The following CNBD2 variants were observed in gnomAD, a reference collection of about 807,000 sequenced individuals.
The protein encoded by CNBD2 is cyclic nucleotide binding domain containing 2.
A neutral mutation model predicts 63.7 loss-of-function variants in CNBD2; 64 were observed. The ratio of observed to expected loss-of-function variants is 1.00; its 90% CI spans 0.82 to 1.24. The LOEUF is 1.24. Ranked by LOEUF, CNBD2 falls within the 50% of genes most tolerant of loss-of-function variation. CNBD2 has a pLI of 0.00. For synonymous variants in CNBD2, 229 were observed against 255.4 expected, an observed-to-expected ratio of 0.90 and a Z score of 0.99; for missense variants, 691 against 713.5, an observed-to-expected ratio of 0.97 and a Z score of 0.36.
At chr20:36,012,779 G>A (rs1405123537) in intron 10 of CNBD2, among the ~76,000 whole-genome samples, 2 of 137,910 alleles carry the variant, frequency 1.5e-5, no homozygotes, top group Admixed American at 7.9e-5. Context: ...CTGAGATCGC[G>A]CCATTGCACT....
At position 35,984,157 on chromosome 20, in the gene CNBD2, C is replaced by A; in HGVS notation, c.564+19C>A. On this transcript the variant is annotated intron_variant, in intron 5 of 11. Coordinates refer to ENST00000373973, the MANE Select transcript of CNBD2 (RefSeq NM_001365709.1). ...TTTTGGGGTAAGCCCAGGGGAAGGA[C>A]CCAGTTTCCTGGGGTGGAGTGGGTG... is the stretch of plus-strand genomic sequence containing the variant. The A allele has an allele frequency of 6.3e-7, 1 of 1,579,080 alleles. No homozygotes were observed. The highest frequency in any genetic ancestry group is 1.2e-5 in the South Asian group (1 of 84,726).
chr20:36,024,699 C>A (rs1444281923), intron 11 of CNBD2, among the ~76,000 whole-genome samples: 1 of 151,764 alleles, frequency 6.6e-6, no homozygotes, highest in African/African-American at 2.4e-5. Context: ...GAGGCCGAGG[C>A]AGGTGGATTA....
chr20:36,004,535 A>G (rs2056958652), intron 8 of CNBD2, among the ~76,000 whole-genome samples: 1 of 151,168 alleles, frequency 6.6e-6, no homozygotes, highest in African/African-American at 2.4e-5. Context: ...GTCTTGCATC[A>G]TGGATGATTG....
At chr20:35,961,397 G>T (rs1001208966) in intron 2 of CNBD2, among the ~76,000 whole-genome samples, 1 of 152,104 alleles carries the variant, frequency 6.6e-6, no homozygotes. Context: ...TGCCAGTGTC[G>T]TCTCCTCTGG....
chr20:35,977,816 A>G lies in CNBD2; in HGVS notation c.243+1814A>G, dbSNP rs550957883. On this transcript the variant is annotated intron_variant, in intron 3 of 11. Transcript: ENST00000373973. ...CAACTCTGTGAATACACTAAAAAAC[A>G]CTGAATTGTACACTTTAAATGGTGA... 5.9e-4 allele frequency among the ~76,000 whole-genome samples: 90 copies of G among 152,344 alleles called. No individual in the cohort carries two copies. The Middle Eastern group carries it at 0.014, about 23-fold the overall frequency.
At chr20:35,968,552 C>G (rs2056367008), upstream of CNBD2, 1 of 481,302 alleles carries the variant, frequency 2.1e-6, no homozygotes, top group Non-Finnish European at 3.8e-6. Context: ...CAGAATCTTT[C>G]ATTGTGACCT....
At chr20:35,959,200 G>A (rs969820958), downstream of CNBD2, 4 of 152,268 alleles carry the variant, frequency 2.6e-5, no homozygotes, top group Middle Eastern at 6.8e-3. Flanking sequence ...ACTGGTGCAG[G>A]GTTTGGCACA....
At chr20:36,024,904 C>T (rs1279085924) in intron 11 of CNBD2, among the ~76,000 whole-genome samples, 3 of 152,158 alleles carry the variant, frequency 2.0e-5, no homozygotes, top group Non-Finnish European at 2.9e-5. Context: ...CTTTGCACTC[C>T]AGCCTGGGCA....
intron 8 of CNBD2, 82 bp from the exon 9 acceptor site, chr20:36,008,215 G>A (rs1409769990): frequency 8.4e-6 from 10 of 1,190,668 alleles, no homozygotes; most frequent in Non-Finnish European, 1.2e-5. Flanking sequence ...GCAGGTTCCT[G>A]TGATAAGCTT....
rs779860102 is a variant in CNBD2 at position 35,987,399 on chromosome 20, A to G, written c.721A>G (p.Met241Val). 1.3e-5 allele frequency: 21 copies of G among 1,614,192 alleles called. No homozygotes were observed. The South Asian group carries it at 2.3e-4, about 18-fold the overall frequency. Reference sequence around the variant, plus strand: ...TCTAACAGGCTCTTCCCACAGGAAGATGGAGCTGTTTGCATCATGGTCTGA... The same window carrying G: ...TCTAACAGGCTCTTCCCACAGGAAGGTGGAGCTGTTTGCATCATGGTCTGA... Reference protein sequence around the residue: ...AQYRFEFFRKMELFASWSDEK... With the variant: ...AQYRFEFFRKVELFASWSDEK... The change falls in exon 7 of 12, where the codon ATG becomes GTG. Residue 241 changes from methionine to valine, a missense_variant. Met to Val is a conservative substitution (Grantham distance 21). Coordinates refer to ENST00000373973, the MANE Select transcript of CNBD2 (RefSeq NM_001365709.1).
chr20:35,960,089 T>TG (rs1334548396), downstream of CNBD2, among the ~76,000 whole-genome samples: 2 of 152,336 alleles, frequency 1.3e-5, no homozygotes, highest in Admixed American at 1.3e-4. Flanking sequence ...AGAGCTTGGA[T>TG]GGTAAGGGAT....
downstream of CNBD2, chr20:35,957,806 G>C (rs1481939239): frequency 2.0e-4 from 31 of 152,162 alleles, no homozygotes; most frequent in Admixed American, 2.0e-3. Context: ...GAAATCTTTT[G>C]ACTTTTAGTC....
chr20:35,986,165 T>TA, intron 6 of CNBD2, among the ~76,000 whole-genome samples: 1 of 152,174 alleles, frequency 6.6e-6, no homozygotes. Context: ...GTAAAAGGAA[T>TA]AAAAATCCAA....
intron 4 of CNBD2, among the ~76,000 whole-genome samples, chr20:35,982,128 C>T (rs777883326): frequency 2.0e-4 from 31 of 152,176 alleles, no homozygotes; most frequent in Non-Finnish European, 4.0e-4. Context: ...GTCAAGCCAG[C>T]GAGTCAGGAA....
At chr20:35,997,339 G>A (rs2056839036) in intron 8 of CNBD2, among the ~76,000 whole-genome samples, 1 of 151,640 alleles carries the variant, frequency 6.6e-6, no homozygotes, top group South Asian at 2.1e-4. Flanking sequence ...TAGAACTGAG[G>A]CCAACACAGG....
chr20:36,001,469 A>G (rs1407363796), intron 8 of CNBD2, among the ~76,000 whole-genome samples: 5 of 137,438 alleles, frequency 3.6e-5, no homozygotes, highest in African/African-American at 8.4e-5. Context: ...CACCTCCCAG[A>G]CGGGGCGGCT....
At chr20:35,985,807 G>A (rs893235065) in intron 6 of CNBD2, among the ~76,000 whole-genome samples, 1 of 152,148 alleles carries the variant, frequency 6.6e-6, no homozygotes. Flanking sequence ...ATTCTTGATT[G>A]CATGGTAATT....
At chr20:35,964,472 C>A (rs1301658662), upstream of CNBD2, among the ~76,000 whole-genome samples, 1 of 152,100 alleles carries the variant, frequency 6.6e-6, no homozygotes, top group Non-Finnish European at 1.5e-5. Context: ...CTCACTGCAG[C>A]CTCTGCCTCC....
intron 6 of CNBD2, among the ~76,000 whole-genome samples, chr20:35,985,522 G>T (rs1349257410): frequency 2.1e-5 from 3 of 140,928 alleles, no homozygotes; most frequent in African/African-American, 8.0e-5. Flanking sequence ...GTCTTGCTCT[G>T]TTGCCCAGGC....
Sources: gnomAD v4.1 joint callset for allele counts (sites outside exome capture counted in the v4.1 genomes callset) on GRCh38, gnomAD v4.1.1 for gene constraint, MANE v1.5 for transcripts, NCBI Gene and HGNC (gene_info 2026-07-23, HGNC 2026-07-21) for gene names.